AASDH: variants seen among roughly 807,000 people sequenced by gnomAD.
The protein encoded by AASDH is aminoadipate-semialdehyde dehydrogenase.
AASDH carries 81 observed loss-of-function variants against 102.3 expected under a neutral mutation model. That is an observed-to-expected ratio of 0.79 (90% confidence interval 0.66 to 0.95). AASDH has a LOEUF of 0.95. Ranked by LOEUF, AASDH falls within the 40% of genes least tolerant of loss-of-function variation. The pLI is 0.00. For synonymous variants in AASDH, 398 were observed against 454.0 expected (o/e 0.88, Z 1.57); for missense variants, 1,203 against 1,266.2 (o/e 0.95, Z 0.76).
intron 4 of AASDH, among the ~76,000 whole-genome samples, chr4:56,374,408 CAA>C (rs1752122837): frequency 7.2e-6 from 1 of 138,944 alleles, no homozygotes; most frequent in African/African-American, 2.7e-5. Flanking sequence ...TGAGATTCAA[CAA>C]ATGCAGAAAC....
Position 56,378,159 on chromosome 4 carries a change from G to T in AASDH, c.657C>A (p.Ile219=). The change falls in exon 4 of 15, where the codon ATC becomes ATA. Residue 219 remains isoleucine (I), a synonymous_variant. Coordinates refer to ENST00000205214, the MANE Select transcript of AASDH (RefSeq NM_181806.4). ...RVPHKCIVPN[I]QHFRVLFDIT... Reference sequence around the variant, plus strand: ...AGACTAGAACTTACCGAAAATGCTGGATATTTGGTACTATACACTTATGAG... The same window carrying T: ...AGACTAGAACTTACCGAAAATGCTGTATATTTGGTACTATACACTTATGAG... 1 of 1,597,010 alleles carries T rather than the reference G, an allele frequency of 6.3e-7. No individual in the cohort carries two copies. Among genetic ancestry groups the T allele is most frequent in the Non-Finnish European group, 8.5e-7 (1 of 1,172,142 alleles).
chr4:56,349,888 C>T lies in AASDH; in HGVS notation c.1863G>A (p.Glu621=). 1 of 1,614,098 alleles carries T rather than the reference C, an allele frequency of 6.2e-7. No homozygotes were observed. The highest frequency in any genetic ancestry group is 1.1e-5 in the South Asian group (1 of 91,072). Residue 621 remains glutamate (E), a synonymous_variant, in exon 11 of 15, where the codon GAG becomes GAA. Transcript: ENST00000205214. The stretch of plus-strand genomic sequence containing the variant: ...CTGTTTGAAGGATGTGATTATAAAT[C>T]TCTAAAATGGAACTGCTGAGAATAA... ...LEIILSSSIL[E]IYNHILQTVV...
At chr4:56,376,834 G>A (rs979883263) in intron 4 of AASDH, among the ~76,000 whole-genome samples, 9 of 151,908 alleles carry the variant, frequency 5.9e-5, no homozygotes, top group African/African-American at 9.7e-5. Context: ...TTGGGAGGCC[G>A]AGGCGGGCGG....
chr4:56,348,258 C>CT (rs60619979), intron 11 of AASDH, among the ~76,000 whole-genome samples: 3,546 of 145,378 alleles, frequency 0.024, 128 homozygotes, highest in African/African-American at 0.075. Context: ...GAGTTATGCA[C>CT]TTTTTTTTTT....
Position 56,338,757 on chromosome 4 carries a change from G to C in AASDH, c.2942C>G (p.Ser981Ter). The change falls in exon 15 of 15, where the codon TCA (serine) becomes TGA (stop). Residue 981 changes from serine to a stop codon, truncating the protein, a stop_gained. Coordinates refer to ENST00000205214, the MANE Select transcript of AASDH (RefSeq NM_181806.4). LOFTEE classifies it low-confidence loss of function (END_TRUNC). ...WQFSTSGPIF[S>*]SPCTSPSEQK... is the part of the protein sequence containing the mutation. ...CTCTGATGGTGAGGTACACGGGGAT[G>C]AAAAGATTGGTCCACTGGTAGAGAA... 4 of 1,614,134 alleles carry C rather than the reference G, an allele frequency of 2.5e-6. No individual in the cohort carries two copies. The highest frequency in any genetic ancestry group is 3.4e-6 in the Non-Finnish European group (4 of 1,180,010).
At chr4:56,355,593 G>GTTTTTTTTTTTTTTTTTTTTTTTTTTTT (rs149149581) in intron 5 of AASDH, among the ~76,000 whole-genome samples, 170 bp from the exon 6 acceptor site, 3 of 91,918 alleles carry the variant, frequency 3.3e-5, no homozygotes, top group Admixed American at 1.4e-4. Flanking sequence ...TTATCTTCTT[G>GTTTTTTTTTTTTTTTTTTTTTTTTTTTT]TTTTTTTTTT....
At chr4:56,386,392 T>A (rs928292614) in intron 1 of AASDH, among the ~76,000 whole-genome samples, 4 of 152,184 alleles carry the variant, frequency 2.6e-5, no homozygotes, top group Admixed American at 6.5e-5. Context: ...TAAGGTAAAA[T>A]CCATTCTTCT....
At chr4:56,366,600 A>T (rs2109952121) in intron 5 of AASDH, among the ~76,000 whole-genome samples, 1 of 152,302 alleles carries the variant, frequency 6.6e-6, no homozygotes, top group Admixed American at 6.5e-5. Context: ...CAGCATATAA[A>T]CAGAACCAAA....
chr4:56,350,157 A>T, intron 10 of AASDH, 99 bp from the exon 11 acceptor site: 1 of 1,046,934 alleles, frequency 9.6e-7, no homozygotes, highest in Non-Finnish European at 1.3e-6. Context: ...TACCTACATT[A>T]ATAATTAGAA....
Position 56,338,884 on chromosome 4 carries a change from A to AGAT in AASDH, c.2908-96_2908-94dup, listed in dbSNP as rs544331645. ...ATGAGGTTCTTAATGCAAATCTAAG[A>AGAT]GATATAGGCTATTTGAATGGTAACT... On this transcript the variant is annotated intron_variant, in intron 14 of 14. Transcript: ENST00000205214. 1.7e-4 allele frequency: 213 copies of AGAT among 1,248,284 alleles called. 2 individuals carry two copies. The East Asian group carries it at 4.8e-3, about 28-fold the overall frequency. 77.3% of individuals were successfully genotyped at this position (1,248,284 alleles called of 1,614,324 possible).
chr4:56,355,867 T>C (rs1749578364), intron 5 of AASDH, among the ~76,000 whole-genome samples: 2 of 152,176 alleles, frequency 1.3e-5, no homozygotes, highest in South Asian at 4.1e-4. Flanking sequence ...TCCTCCCACT[T>C]TGGCCTCCCA....
intron 5 of AASDH, among the ~76,000 whole-genome samples, chr4:56,365,029 C>A (rs1750806902): frequency 6.6e-6 from 1 of 151,860 alleles, no homozygotes; most frequent in African/African-American, 2.4e-5. Context: ...GGAAGATCTA[C>A]CAAGCAAATG....
At chr4:56,339,293 G>GT (rs940182156) in intron 14 of AASDH, among the ~76,000 whole-genome samples, 1 of 151,666 alleles carries the variant, frequency 6.6e-6, no homozygotes, top group Non-Finnish European at 1.5e-5. Context: ...AGCTAGGCGC[G>GT]TGCCACCACA....
chr4:56,352,678 G>A (rs1749143253), intron 9 of AASDH, among the ~76,000 whole-genome samples: 1 of 152,122 alleles, frequency 6.6e-6, no homozygotes, highest in African/African-American at 2.4e-5. Flanking sequence ...TTATAGGCGC[G>A]AGTTGCCGCC....
chr4:56,356,258 C>A, intron 5 of AASDH: 1 of 905,258 alleles, frequency 1.1e-6, no homozygotes, highest in Non-Finnish European at 1.8e-6. Context: ...TGGCACTGAG[C>A]AAGACATCCA....
At chr4:56,376,264 G>A (rs975641850) in intron 4 of AASDH, among the ~76,000 whole-genome samples, 9 of 151,932 alleles carry the variant, frequency 5.9e-5, no homozygotes, top group African/African-American at 1.9e-4. Flanking sequence ...GGGCTCAAGC[G>A]ATCCTCCTGC....
In AASDH at chr4:56,353,403, C is replaced by T; in HGVS notation, c.1576+1G>A. ...AACATATCTGCTTTAAATTACTTTA[C>T]CGTGGGATGTAAATGGTAGAGAGTC... On this transcript the variant is annotated splice_donor_variant, in intron 9 of 14. Transcript: ENST00000205214. LOFTEE classifies it high-confidence loss of function. 6.3e-7 allele frequency: 1 copy of T among 1,590,032 alleles called. No individual in the cohort carries two copies. Among genetic ancestry groups the T allele is most frequent in the Non-Finnish European group, 8.6e-7 (1 of 1,168,686 alleles).
intron 4 of AASDH, among the ~76,000 whole-genome samples, chr4:56,377,423 C>G (rs1212020142): frequency 6.6e-6 from 1 of 152,236 alleles, no homozygotes; most frequent in Non-Finnish European, 1.5e-5. Context: ...GGTTCCCCAT[C>G]ATCTACTGGA....
At chr4:56,355,882 T>A (rs13138648) in intron 5 of AASDH, among the ~76,000 whole-genome samples, 96,555 of 151,924 alleles carry the variant, frequency 0.64, 30,780 homozygotes, top group Admixed American at 0.71. Context: ...CTCCCAAAGC[T>A]CTAGGATTAC....
Sources: gnomAD v4.1 joint callset for allele counts (sites outside exome capture counted in the v4.1 genomes callset) on GRCh38, gnomAD v4.1.1 for gene constraint, MANE v1.5 for transcripts, NCBI Gene and HGNC (gene_info 2026-07-23, HGNC 2026-07-21) for gene names.